Variants in ATPSCKMT observed in about 807,000 individuals in gnomAD.
ATPSCKMT encodes ATP synthase subunit C lysine N-methyltransferase.
ATPSCKMT carries 24 observed loss-of-function variants against 24.3 expected under a neutral mutation model. The ratio of observed to expected loss-of-function variants is 0.99; its 90% CI spans 0.71 to 1.39. ATPSCKMT has a LOEUF of 1.39. Among genes scored for constraint, ATPSCKMT ranks in the 40% most tolerant of loss-of-function variants. The pLI, the probability that ATPSCKMT is intolerant of heterozygous loss-of-function variation, is 0.00. For synonymous variants in ATPSCKMT, 95 were observed against 110.5 expected, an observed-to-expected ratio of 0.86 and a Z score of 0.88; for missense variants, 311 against 298.4, an observed-to-expected ratio of 1.04 and a Z score of -0.31.
In ATPSCKMT at chr5:10,236,911, G is replaced by A. The variant is rs551588947; in HGVS notation, c.307-296C>T. ...TTGATTCTAGGTCAGCCAACCCCCGGGGAGGTCGAACAAAACATTGCTGAA... is the reference window on the plus strand; with the variant it reads ...TTGATTCTAGGTCAGCCAACCCCCGAGGAGGTCGAACAAAACATTGCTGAA... On this transcript the variant is annotated intron_variant, in intron 2 of 4. Transcript: ENST00000511437. The A allele has an allele frequency of 1.8e-4, 250 of 1,381,762 alleles. No individual in the cohort carries two copies. The Middle Eastern group carries it at 3.6e-3, about 20-fold the overall frequency. 85.6% of individuals were successfully genotyped at this position (1,381,762 alleles called of 1,614,324 possible). A position where few individuals can be genotyped will look rare whatever the true frequency, so the allele number is the denominator to read the frequency against.
intron 4 of ATPSCKMT, among the ~76,000 whole-genome samples, chr5:10,232,649 G>T (rs1744201275): frequency 6.6e-6 from 1 of 152,260 alleles, no homozygotes; most frequent in Admixed American, 6.5e-5. Context: ...ACCACAGTCA[G>T]AAGGAAGGAA....
chr5:10,230,738 G>A (rs1043588546), intron 4 of ATPSCKMT, among the ~76,000 whole-genome samples: 8 of 151,688 alleles, frequency 5.3e-5, no homozygotes, highest in East Asian at 1.9e-4. Flanking sequence ...CACACATCCC[G>A]CCCCCCAGGA....
At chr5:10,242,966 G>A (rs1324412241) in intron 1 of ATPSCKMT, among the ~76,000 whole-genome samples, 1 of 152,188 alleles carries the variant, frequency 6.6e-6, no homozygotes, top group Non-Finnish European at 1.5e-5. Context: ...GTAAAGAAAG[G>A]TGCTGTCATC....
intron 1 of ATPSCKMT, among the ~76,000 whole-genome samples, chr5:10,241,007 A>G (rs1216834889): frequency 6.6e-6 from 1 of 151,798 alleles, no homozygotes; most frequent in African/African-American, 2.4e-5. Flanking sequence ...AAAAAAAAAA[A>G]AAAAGAAAAG....
At chr5:10,239,984 T>A (rs930443483) in intron 1 of ATPSCKMT, among the ~76,000 whole-genome samples, 1 of 151,140 alleles carries the variant, frequency 6.6e-6, no homozygotes, top group Non-Finnish European at 1.5e-5. Context: ...CCCAGCACTT[T>A]GGGAGGCCAA....
intron 1 of ATPSCKMT, chr5:10,248,494 G>A (rs1203847893): frequency 6.6e-6 from 1 of 152,216 alleles, no homozygotes; most frequent in Admixed American, 6.5e-5. Flanking sequence ...AAGGTCTAGC[G>A]CGTAAGTATG....
At chr5:10,241,939 T>G (rs1025551251) in intron 1 of ATPSCKMT, among the ~76,000 whole-genome samples, 4 of 152,208 alleles carry the variant, frequency 2.6e-5, no homozygotes, top group Non-Finnish European at 5.9e-5. Flanking sequence ...TGCTTGACAT[T>G]TTGGTCTGAT....
chr5:10,242,140 A>G (rs1744672771), intron 1 of ATPSCKMT, among the ~76,000 whole-genome samples: 1 of 152,186 alleles, frequency 6.6e-6, no homozygotes, highest in Non-Finnish European at 1.5e-5. Context: ...TTTGAAAATA[A>G]GACAACAATG....
At chr5:10,249,835 C>A in intron 1 of ATPSCKMT, 23 bp downstream of exon 1, 1 of 1,563,572 alleles carries the variant, frequency 6.4e-7, no homozygotes, top group African/African-American at 1.4e-5. Context: ...CCCCAGGAAC[C>A]CGCCAAGCCG....
intron 1 of ATPSCKMT, among the ~76,000 whole-genome samples, chr5:10,245,820 A>G (rs1362626229): frequency 6.6e-6 from 1 of 152,188 alleles, no homozygotes; most frequent in Non-Finnish European, 1.5e-5. Flanking sequence ...ATGTAAACAA[A>G]GCATTTAGCA....
intron 1 of ATPSCKMT, among the ~76,000 whole-genome samples, chr5:10,242,018 G>A (rs1744667493): frequency 6.6e-6 from 1 of 152,138 alleles, no homozygotes; most frequent in Non-Finnish European, 1.5e-5. Flanking sequence ...ATGATCATCT[G>A]AGCCTTCAGT....
intron 1 of ATPSCKMT, among the ~76,000 whole-genome samples, chr5:10,246,797 T>TA: frequency 6.6e-6 from 1 of 152,232 alleles, no homozygotes; most frequent in Middle Eastern, 3.4e-3. Context: ...TCTAGGCAGA[T>TA]GAGGGGTGGG....
intron 2 of ATPSCKMT, among the ~76,000 whole-genome samples, chr5:10,237,681 A>T (rs766453108): frequency 5.3e-5 from 8 of 151,720 alleles, no homozygotes; most frequent in Non-Finnish European, 7.4e-5. Context: ...AAGTCTAATC[A>T]CCTCTTTCTT....
intron 4 of ATPSCKMT, among the ~76,000 whole-genome samples, chr5:10,230,412 A>T (rs1744075611): frequency 6.6e-6 from 1 of 152,174 alleles, no homozygotes; most frequent in South Asian, 2.1e-4. Flanking sequence ...TGATGCTATT[A>T]TTCTTTTCTC....
intron 2 of ATPSCKMT, 103 bp downstream of exon 2, chr5:10,238,964 C>G: frequency 1.4e-6 from 2 of 1,389,908 alleles, no homozygotes; most frequent in South Asian, 2.8e-5. Context: ...AGCACTCTTT[C>G]AAGCTGTCAG....
chr5:10,231,072 C>T (rs34041551), intron 4 of ATPSCKMT, among the ~76,000 whole-genome samples: 66,401 of 151,710 alleles, frequency 0.44, 15,374 homozygotes, highest in Non-Finnish European at 0.51. Context: ...CAGCCAGCTC[C>T]GCCTGCACCT....
intron 4 of ATPSCKMT, among the ~76,000 whole-genome samples, chr5:10,233,419 A>G (rs755171182): frequency 4.6e-5 from 7 of 152,190 alleles, no homozygotes; most frequent in Non-Finnish European, 1.0e-4. Context: ...TCTCTATTAC[A>G]GGGAACGTGG....
At chr5:10,236,197 T>TTAC in intron 3 of ATPSCKMT, 1 of 282,374 alleles carries the variant, frequency 3.5e-6, no homozygotes, top group African/African-American at 2.2e-5. Context: ...CCAAATGAGA[T>TTAC]GAAAAATCTC....
At chr5:10,245,209 A>G (rs1010852760) in intron 1 of ATPSCKMT, among the ~76,000 whole-genome samples, 1 of 150,750 alleles carries the variant, frequency 6.6e-6, no homozygotes, top group African/African-American at 2.4e-5. Context: ...TCATGAGGTC[A>G]GGAGATTGAG....
Sources: gnomAD v4.1 joint callset for allele counts (sites outside exome capture counted in the v4.1 genomes callset) on GRCh38, gnomAD v4.1.1 for gene constraint, MANE v1.5 for transcripts, NCBI Gene and HGNC (gene_info 2026-07-23, HGNC 2026-07-21) for gene names.